The following PLXNC1 variants were observed in gnomAD, a reference collection of about 807,000 sequenced individuals.
PLXNC1 encodes plexin C1.
Under a neutral mutation model 178.2 loss-of-function variants are expected in PLXNC1, and 75 were observed. The observed-to-expected ratio is 0.42, with a 90% CI of 0.35 to 0.51. The LOEUF (loss-of-function observed/expected upper bound fraction) is 0.51, where lower values mean the gene tolerates loss of function less well. Among genes scored for constraint, PLXNC1 ranks in the 20% least tolerant of loss-of-function variants. The probability of loss-of-function intolerance (pLI) is 0.02; values close to 1 mark genes in which losing one functional copy is unlikely to be tolerated. For missense variants in PLXNC1, 1,503 were observed against 1,984.4 expected, an observed-to-expected ratio of 0.76 and a Z score of 4.61; for synonymous variants, 790 against 779.9, an observed-to-expected ratio of 1.01 and a Z score of -0.22.
chr12:94,277,944 T>A, intron 21 of PLXNC1: 1 of 456,054 alleles, frequency 2.2e-6, no homozygotes, highest in Non-Finnish European at 4.4e-6. Context: ...TGATTTGTGT[T>A]TTCATCTCTC....
intron 4 of PLXNC1, among the ~76,000 whole-genome samples, chr12:94,198,279 G>A (rs1962993156): frequency 6.6e-6 from 1 of 152,132 alleles, no homozygotes; most frequent in African/African-American, 2.4e-5. Context: ...AACTAACGCA[G>A]GAACAGAAAA....
At chr12:94,261,297 C>T (rs1028797435) in intron 20 of PLXNC1, among the ~76,000 whole-genome samples, 1 of 152,220 alleles carries the variant, frequency 6.6e-6, no homozygotes, top group African/African-American at 2.4e-5. Flanking sequence ...GCTGCCTCCC[C>T]CTGGAGTTTG....
At chr12:94,190,987 A>G (rs1351606360) in intron 4 of PLXNC1, among the ~76,000 whole-genome samples, 1 of 152,082 alleles carries the variant, frequency 6.6e-6, no homozygotes, top group East Asian at 1.9e-4. Context: ...TTACTGTTTT[A>G]TTTTCTTCAT....
At chr12:94,262,552 C>CT (rs1327221329) in intron 20 of PLXNC1, 2 of 985,322 alleles carry the variant, frequency 2.0e-6, no homozygotes, top group African/African-American at 3.5e-5. Context: ...CTCGAGCACT[C>CT]TGAGTGGTGA....
At chr12:94,263,604 G>T (rs1965064229) in intron 20 of PLXNC1, among the ~76,000 whole-genome samples, 1 of 152,184 alleles carries the variant, frequency 6.6e-6, no homozygotes, top group African/African-American at 2.4e-5. Context: ...TTTGTGGTCA[G>T]GGCATTACTT....
intron 2 of PLXNC1, among the ~76,000 whole-genome samples, chr12:94,173,768 A>G (rs2135947045): frequency 6.6e-6 from 1 of 152,292 alleles, no homozygotes; most frequent in South Asian, 2.1e-4. Context: ...GTTGATACCA[A>G]GATGCAGATG....
At chr12:94,277,043 G>C (rs1966016449) in intron 21 of PLXNC1, 1 of 136,940 alleles carries the variant, frequency 7.3e-6, no homozygotes, top group Non-Finnish European at 1.6e-5. Context: ...ATTTAGTGGT[G>C]TTTGTCTCAG....
intron 2 of PLXNC1, among the ~76,000 whole-genome samples, chr12:94,171,651 C>CG (rs1206124956): frequency 4.6e-5 from 7 of 152,254 alleles, no homozygotes; most frequent in African/African-American, 1.7e-4. Flanking sequence ...CTGAGGATTC[C>CG]GGGGGCACAT....
chr12:94,253,238 A>G (rs1452538842), intron 15 of PLXNC1, among the ~76,000 whole-genome samples: 1 of 150,542 alleles, frequency 6.6e-6, no homozygotes, highest in Non-Finnish European at 1.5e-5. Context: ...AAAAAAAAAA[A>G]GCACTTTGTA....
intron 21 of PLXNC1, among the ~76,000 whole-genome samples, chr12:94,271,220 A>G (rs957362809): frequency 2.6e-5 from 4 of 152,206 alleles, no homozygotes. Flanking sequence ...TTTTATGATA[A>G]AGTTGCCAGT....
chr12:94,227,897 A>T (rs1273251703), intron 9 of PLXNC1, among the ~76,000 whole-genome samples: 1 of 152,236 alleles, frequency 6.6e-6, no homozygotes, highest in Non-Finnish European at 1.5e-5. Context: ...TCACTCAGTC[A>T]ACAAAAGTTC....
chr12:94,286,923 G>GCATCTCATGGAC (rs2136170575), intron 23 of PLXNC1, among the ~76,000 whole-genome samples: 1 of 152,216 alleles, frequency 6.6e-6, no homozygotes, highest in Admixed American at 6.5e-5. Context: ...CAAAAATATA[G>GCATCTCATGGAC]CATCTCATGG....
At chr12:94,274,058 C>T (rs1965754659) in intron 21 of PLXNC1, among the ~76,000 whole-genome samples, 1 of 148,418 alleles carries the variant, frequency 6.7e-6, no homozygotes, top group Non-Finnish European at 1.5e-5. Context: ...TGGTGGCTCA[C>T]ACCTGTAATC....
chr12:94,165,042 G>A (rs564205565), intron 1 of PLXNC1, among the ~76,000 whole-genome samples: 1 of 152,214 alleles, frequency 6.6e-6, no homozygotes, highest in East Asian at 1.9e-4. Flanking sequence ...ACACACAGAC[G>A]AACAAGCAGA....
intron 23 of PLXNC1, among the ~76,000 whole-genome samples, chr12:94,293,788 A>T (rs917743755): frequency 3.8e-4 from 58 of 152,030 alleles, no homozygotes; most frequent in Non-Finnish European, 7.1e-4. Flanking sequence ...CCAGATAATT[A>T]AAAAAATTTT....
chr12:94,279,529 A>C lies in PLXNC1; in HGVS notation c.3655A>C (p.Asn1219His). The change falls in exon 22 of 31, where the codon AAT becomes CAT. Residue 1219 changes from asparagine (N) to histidine (H), a missense_variant. This residue lies in a region of PLXNC1 where 639 missense variants were observed against 979.7 expected (regional missense o/e 0.65). Coordinates refer to ENST00000258526, the MANE Select transcript of PLXNC1 (RefSeq NM_005761.3). The stretch of plus-strand genomic sequence containing the variant: ...AAACGAGAGTGCAGATGTCTGTCGG[A>C]ATATTTCAGTCAATGTTCTCGACTG... ...PENESADVCR[N>H]ISVNVLDCDT... is the part of the protein sequence containing the mutation. The C allele has an allele frequency of 1.2e-6, 2 of 1,614,210 alleles. No homozygotes were observed. The highest frequency in any genetic ancestry group is 1.7e-6 in the Non-Finnish European group (2 of 1,180,004).
At chr12:94,278,868 T>G (rs1357631241) in intron 21 of PLXNC1, among the ~76,000 whole-genome samples, 5 of 152,058 alleles carry the variant, frequency 3.3e-5, no homozygotes, top group African/African-American at 1.2e-4. Flanking sequence ...CATGGTGGCA[T>G]GTGCCTGTAA....
intron 24 of PLXNC1, among the ~76,000 whole-genome samples, chr12:94,296,954 A>G (rs1967983522): frequency 6.6e-6 from 1 of 152,200 alleles, no homozygotes; most frequent in South Asian, 2.1e-4. Flanking sequence ...GCAAGAGATC[A>G]GAGATCACTA....
At chr12:94,262,527 C>T (rs1965021062) in intron 20 of PLXNC1, 1 of 985,354 alleles carries the variant, frequency 1.0e-6, no homozygotes, top group Admixed American at 6.1e-5. Context: ...CTTCACAGTG[C>T]TGATTCAAGA....
Sources: gnomAD v4.1 joint callset for allele counts (sites outside exome capture counted in the v4.1 genomes callset) on GRCh38, gnomAD v4.1.1 for gene constraint, gnomAD v4.1.1 regional missense constraint, MANE v1.5 for transcripts, NCBI Gene and HGNC (gene_info 2026-07-23, HGNC 2026-07-21) for gene names.